RAC1: variants seen among roughly 807,000 people sequenced by gnomAD.
The protein encoded by RAC1 is ras-related C3 botulinum toxin substrate 1.
In RAC1, 2 loss-of-function variants were observed where a neutral mutation model predicts 25.2. The ratio of observed to expected loss-of-function variants is 0.08; its 90% CI spans 0.03 to 0.25. The LOEUF (loss-of-function observed/expected upper bound fraction) is 0.25, where lower values mean the gene tolerates loss of function less well. RAC1 is among the 10% of genes least tolerant of loss of function. RAC1 has a pLI of 1.00. For missense variants in RAC1, 50 were observed against 235.7 expected (o/e 0.21, Z 5.16); for synonymous variants, 88 against 94.0 (o/e 0.94, Z 0.37).
intron 2 of RAC1, 152 bp from the exon 3 acceptor site, chr7:6,391,772 C>A: frequency 8.8e-6 from 11 of 1,251,968 alleles, no homozygotes; most frequent in Non-Finnish European, 1.2e-5. Context: ...TTGCCCGTGC[C>A]GCCTTCCTCC....
At chr7:6,400,286 T>A in intron 4 of RAC1, 98 bp downstream of exon 4, 3 of 1,269,918 alleles carry the variant, frequency 2.4e-6, no homozygotes, top group Non-Finnish European at 3.4e-6. Flanking sequence ...TTTAGTTATT[T>A]AAATTGGTTT....
At chr7:6,385,307 C>T (rs1322084847) in intron 1 of RAC1, among the ~76,000 whole-genome samples, 2 of 151,990 alleles carry the variant, frequency 1.3e-5, no homozygotes, top group Admixed American at 6.6e-5. Context: ...GTGTAGCACA[C>T]GGTTGATATA....
chr7:6,402,057 T>G, intron 5 of RAC1, 30 bp downstream of exon 5: 2 of 1,602,880 alleles, frequency 1.2e-6, no homozygotes, highest in Non-Finnish European at 1.7e-6. Flanking sequence ...TCCTCCTCCT[T>G]GTACCTCTTT....
At chr7:6,377,626 C>T (rs1056570111) in intron 1 of RAC1, among the ~76,000 whole-genome samples, 1 of 151,442 alleles carries the variant, frequency 6.6e-6, no homozygotes, top group Non-Finnish European at 1.5e-5. Context: ...ATTAGAGATA[C>T]GTCTTTGGCC....
At chr7:6,376,554 G>A (rs1782605256) in intron 1 of RAC1, among the ~76,000 whole-genome samples, 1 of 146,228 alleles carries the variant, frequency 6.8e-6, no homozygotes, top group South Asian at 2.2e-4. Context: ...CCAGGCTGGA[G>A]TGCAATGGCG....
Position 6,390,416 on chromosome 7 carries a change from A to G in RAC1, c.108-1508A>G, listed in dbSNP as rs34950525. ...GGAGATCAAGACCAGCCTGATCAAC[A>G]TGGTGAAACCCCATCTCTACTAAAA... On this transcript the variant is annotated intron_variant, in intron 2 of 5. Transcript: ENST00000348035. 6.3e-3 allele frequency among the ~76,000 whole-genome samples: 963 copies of G among 152,070 alleles called. 7 individuals carry two copies. Among genetic ancestry groups the G allele is most frequent in the Non-Finnish European group, 0.01 (692 of 67,996 alleles).
chr7:6,397,257 AAAAAGAAAAAAAG>A (rs1343809766), intron 3 of RAC1, among the ~76,000 whole-genome samples: 1 of 150,006 alleles, frequency 6.7e-6, no homozygotes, highest in African/African-American at 2.4e-5. Flanking sequence ...AAAAAAGAAA[AAAAAGAAAAAAAG>A]AAAAGCTTGA....
At chr7:6,396,460 A>G (rs1010796401) in intron 3 of RAC1, among the ~76,000 whole-genome samples, 16 of 152,176 alleles carry the variant, frequency 1.1e-4, no homozygotes, top group African/African-American at 3.9e-4. Context: ...GGCAGATGGC[A>G]TAGCACGAAC....
intron 1 of RAC1, among the ~76,000 whole-genome samples, chr7:6,380,559 A>G (rs550790917): frequency 1.3e-5 from 2 of 152,294 alleles, no homozygotes; most frequent in Admixed American, 6.5e-5. Flanking sequence ...TCACATCTCC[A>G]TCACTACGTA....
At chr7:6,396,275 C>T (rs957922795) in intron 3 of RAC1, among the ~76,000 whole-genome samples, 26 of 152,070 alleles carry the variant, frequency 1.7e-4, no homozygotes, top group African/African-American at 5.8e-4. Flanking sequence ...GTTACGAGGA[C>T]GGGGAAGAAA....
rs912208125 is a variant in RAC1 at position 6,402,656 on chromosome 7, C to G, written c.*210C>G. 27 of 442,872 alleles carry G rather than the reference C, an allele frequency of 6.1e-5. No homozygotes were observed. Among genetic ancestry groups the G allele is most frequent in the African/African-American group, 4.9e-4 (24 of 49,156 alleles). The allele number at this position is 442,872 out of a possible 1,614,324, so 27.4% of individuals were successfully genotyped here. ...TTTGTTTGTTCTAAATGTAAGAGTTCAGACTCACATTCTATTAAAATTTAG... is the reference window on the plus strand; with the variant it reads ...TTTGTTTGTTCTAAATGTAAGAGTTGAGACTCACATTCTATTAAAATTTAG... On this transcript the variant is annotated 3_prime_UTR_variant, in exon 6 of 6. Transcript: ENST00000348035.
chr7:6,387,846 TAAAG>T (rs890333589), intron 2 of RAC1, among the ~76,000 whole-genome samples: 20 of 152,212 alleles, frequency 1.3e-4, no homozygotes, highest in African/African-American at 4.6e-4. Context: ...TGGATGATGT[TAAAG>T]AAAACCATAG....
At chr7:6,378,781 A>G (rs1782679462) in intron 1 of RAC1, among the ~76,000 whole-genome samples, 1 of 151,816 alleles carries the variant, frequency 6.6e-6, no homozygotes, top group Admixed American at 6.6e-5. Context: ...ATTTTCTCTC[A>G]GCTTTTCCTA....
At chr7:6,376,637 G>A (rs930102376) in intron 1 of RAC1, among the ~76,000 whole-genome samples, 1 of 149,870 alleles carries the variant, frequency 6.7e-6, no homozygotes, top group African/African-American at 2.5e-5. Flanking sequence ...AAGTAGCTGG[G>A]ATTACAGGCG....
At chr7:6,394,863 T>A (rs1325721942) in intron 3 of RAC1, among the ~76,000 whole-genome samples, 2 of 151,842 alleles carry the variant, frequency 1.3e-5, no homozygotes, top group Admixed American at 6.6e-5. Context: ...TTTTGTATTT[T>A]ATTTTTTTTG....
chr7:6,393,416 A>T (rs1184507864), intron 3 of RAC1, among the ~76,000 whole-genome samples: 1 of 152,146 alleles, frequency 6.6e-6, no homozygotes, highest in Non-Finnish European at 1.5e-5. Flanking sequence ...TGTCATTCTG[A>T]GAAACAAGAG....
intron 3 of RAC1, among the ~76,000 whole-genome samples, chr7:6,394,322 A>G (rs1783166295): frequency 6.6e-6 from 1 of 152,154 alleles, no homozygotes; most frequent in South Asian, 2.1e-4. Flanking sequence ...TCAGGTTTTT[A>G]TTTCCCGAAT....
At chr7:6,399,944 T>C in intron 3 of RAC1, 182 bp from the exon 4 acceptor site, 1 of 600,848 alleles carries the variant, frequency 1.7e-6, no homozygotes, top group Non-Finnish European at 3.0e-6. Flanking sequence ...TGGCTTGACA[T>C]GCTGGGTTTG....
chr7:6,376,847 T>G (rs1171004473), intron 1 of RAC1, among the ~76,000 whole-genome samples: 1 of 145,972 alleles, frequency 6.9e-6, no homozygotes, highest in Non-Finnish European at 1.5e-5. Flanking sequence ...AACTAAAACA[T>G]AAGCATAGCA....
Sources: gnomAD v4.1 joint callset for allele counts (sites outside exome capture counted in the v4.1 genomes callset) on GRCh38, gnomAD v4.1.1 for gene constraint, MANE v1.5 for transcripts, NCBI Gene and HGNC (gene_info 2026-07-23, HGNC 2026-07-21) for gene names.